The following SLC6A18 variants were observed in gnomAD, a reference collection of about 807,000 sequenced individuals.
The protein encoded by SLC6A18 is solute carrier family 6 member 18.
In SLC6A18, 58 loss-of-function variants were observed where a neutral mutation model predicts 62.9. The ratio of observed to expected loss-of-function variants is 0.92; its 90% confidence interval spans 0.75 to 1.15. The LOEUF is 1.15. Among genes scored for constraint, SLC6A18 ranks in the 50% most tolerant of loss-of-function variants. The pLI, the probability that SLC6A18 is intolerant of heterozygous loss-of-function variation, is 0.00. For synonymous variants in SLC6A18, 382 were observed against 365.8 expected, an observed-to-expected ratio of 1.04 and a Z score of -0.51; for missense variants, 793 against 836.6, an observed-to-expected ratio of 0.95 and a Z score of 0.64.
Position 1,244,470 on chromosome 5 carries a change from G to A in SLC6A18, c.1496+97G>A, listed in dbSNP as rs572350343. On this transcript the variant is annotated intron_variant, in intron 10 of 11. Coordinates refer to ENST00000324642, the MANE Select transcript of SLC6A18 (RefSeq NM_182632.3). ...GGTTCAACCCGCAGCTGCCCAGACC[G>A]CCGAGAATGTTCTGCCCTGGGGAGC... 1.5e-5 allele frequency: 24 copies of A among 1,560,784 alleles called. No homozygotes were observed. The East Asian group carries it at 3.1e-4, about 20-fold the overall frequency.
chr5:1,234,003 A>G (rs1456186254), intron 3 of SLC6A18, among the ~76,000 whole-genome samples: 1 of 152,114 alleles, frequency 6.6e-6, no homozygotes, highest in Non-Finnish European at 1.5e-5. Context: ...GGCCTCCCAA[A>G]GTGCTGGGAT....
chr5:1,242,173 G>A (rs112945645), intron 7 of SLC6A18, among the ~76,000 whole-genome samples: 5 of 152,306 alleles, frequency 3.3e-5, no homozygotes, highest in South Asian at 4.1e-4. Flanking sequence ...ACCCACCTTC[G>A]AAGTGAGGAA....
chr5:1,240,230 A>G (rs1479847301), intron 6 of SLC6A18, among the ~76,000 whole-genome samples: 1 of 152,256 alleles, frequency 6.6e-6, no homozygotes, highest in Non-Finnish European at 1.5e-5. Context: ...AAACATGTAC[A>G]TTTCAGATCC....
intron 2 of SLC6A18, 58 bp downstream of exon 2, chr5:1,232,417 A>T: frequency 7.1e-5 from 103 of 1,451,250 alleles, no homozygotes; most frequent in East Asian, 1.0e-4. Flanking sequence ...GCCCTCCTGG[A>T]TGAGAGGTGG....
In SLC6A18 at chr5:1,243,646, G is replaced by C. The variant is rs925776606; in HGVS notation, c.1223G>C (p.Gly408Ala). 1 of 1,614,096 alleles carries C rather than the reference G, an allele frequency of 6.2e-7. No individual in the cohort carries two copies. Among genetic ancestry groups the C allele is most frequent in the Middle Eastern group, 1.6e-4 (1 of 6,062 alleles). The change falls in exon 9 of 12, where the codon GGG (glycine) becomes GCG (alanine). Residue 408 changes from glycine (G) to alanine (A), a missense_variant. Physicochemically the swap from Gly to Ala is moderately conservative, Grantham distance 60. Coordinates refer to ENST00000324642, the MANE Select transcript of SLC6A18 (RefSeq NM_182632.3). The surrounding 1 kb of genome is among the most constrained non-coding windows in gnomAD (Gnocchi z 6.5). Reference sequence around the variant, plus strand: ...CCTGTGTGGGCCATGCTCTTCTTCGGGATGCTGTTCACCTTGGGGCTATCG... The same window carrying C: ...CCTGTGTGGGCCATGCTCTTCTTCGCGATGCTGTTCACCTTGGGGCTATCG... ...GAPVWAMLFF[G>A]MLFTLGLSTM...
chr5:1,242,702 CG>C lies in SLC6A18; in HGVS notation c.975-4del. ...ATGAGCCCACAGTCCTCTCTGTCCCCGCAGAAACATCCTCAGCCTCATCAAC... is the reference window on the plus strand; with the variant it reads ...ATGAGCCCACAGTCCTCTCTGTCCCCCAGAAACATCCTCAGCCTCATCAAC... On this transcript the variant is annotated splice_region_variant and splice_polypyrimidine_tract_variant and intron_variant, in intron 7 of 11. Coordinates refer to ENST00000324642, the MANE Select transcript of SLC6A18 (RefSeq NM_182632.3). The C allele has an allele frequency of 6.3e-7, 1 of 1,599,466 alleles. No individual in the cohort carries two copies. Among genetic ancestry groups the C allele is most frequent in the Non-Finnish European group, 8.5e-7 (1 of 1,170,406 alleles).
intron 4 of SLC6A18, among the ~76,000 whole-genome samples, 158 bp from the exon 5 acceptor site, chr5:1,237,792 C>T (rs1350929913): frequency 6.6e-6 from 1 of 152,182 alleles, no homozygotes; most frequent in Non-Finnish European, 1.5e-5. Flanking sequence ...TGCACCCCAC[C>T]ATCCCCCAAG....
At chr5:1,237,081 A>T (rs914994320) in intron 4 of SLC6A18, among the ~76,000 whole-genome samples, 9 of 151,582 alleles carry the variant, frequency 5.9e-5, no homozygotes, top group Non-Finnish European at 8.8e-5. Flanking sequence ...TAAAAATAAA[A>T]AAAAAAAAAA....
chr5:1,240,562 G>T lies in SLC6A18; in HGVS notation c.877G>T (p.Ala293Ser). 1 of 1,614,104 alleles carries T rather than the reference G, an allele frequency of 6.2e-7. No homozygotes were observed. Among genetic ancestry groups the T allele is most frequent in the Non-Finnish European group, 8.5e-7 (1 of 1,180,014 alleles). Reference protein sequence around the residue: ...NDCQKDAVVIALVNRMTSLYA... With the variant: ...NDCQKDAVVISLVNRMTSLYA... ...CTGCCAGAAGGATGCGGTGGTCATCGCCCTGGTCAACAGGATGACCTCCCT... is the reference window on the plus strand; with the variant it reads ...CTGCCAGAAGGATGCGGTGGTCATCTCCCTGGTCAACAGGATGACCTCCCT... Residue 293 changes from alanine (A) to serine (S), a missense_variant, in exon 7 of 12, where the codon GCC becomes TCC. Coordinates refer to ENST00000324642, the MANE Select transcript of SLC6A18 (RefSeq NM_182632.3).
rs76437235 is a variant in SLC6A18, at chr5:1,244,257, G to C, written c.1380G>C (p.Thr460=). Residue 460 remains threonine (T), a synonymous_variant, in exon 10 of 12, where the codon ACG becomes ACC. Transcript: ENST00000324642. ...GCTTCCTCTCCGCCACCTGCTTCAC[G>C]CTGCAGTCTGGGAACTACTGGCTGG... ...LVCFLSATCF[T]LQSGNYWLEI... The C allele has an allele frequency of 4.9e-5, 77 of 1,582,544 alleles. No homozygotes were observed. In the South Asian group the frequency reaches 8.2e-4, roughly 17 times the overall value.
intron 1 of SLC6A18, among the ~76,000 whole-genome samples, chr5:1,229,324 A>C (rs1746662814): frequency 1.3e-5 from 2 of 151,722 alleles, no homozygotes; most frequent in Admixed American, 1.3e-4. Flanking sequence ...CTCAATTCAC[A>C]GAAAACCCTC....
chr5:1,233,787 G>T (rs1436734957), intron 3 of SLC6A18, among the ~76,000 whole-genome samples: 2 of 149,490 alleles, frequency 1.3e-5, no homozygotes, highest in Non-Finnish European at 3.0e-5. Context: ...TGTCGCCCAG[G>T]CTGGAGTGCA....
Position 1,232,762 on chromosome 5 carries a change from GT to G in SLC6A18, c.314del (p.Val105AlafsTer6), listed in dbSNP as rs1234824397. On this transcript the variant is annotated frameshift_variant, in exon 3 of 12. Coordinates refer to ENST00000324642, the MANE Select transcript of SLC6A18 (RefSeq NM_182632.3). LOFTEE classifies it high-confidence loss of function. Reference sequence around the variant, plus strand: ...GTCCCTGTCCACAGGGCTGGGCTGTGTCACGCTGTCCTTCCTGATCAGCCTG... The same window carrying G: ...GTCCCTGTCCACAGGGCTGGGCTGTGCACGCTGTCCTTCCTGATCAGCCTG... ...PYLSGVGLGC[V>X]TLSFLISLYY... 5.0e-6 allele frequency: 8 copies of G among 1,612,994 alleles called. No homozygotes were observed. The highest frequency in any genetic ancestry group is 6.8e-6 in the Non-Finnish European group (8 of 1,179,782).
intron 10 of SLC6A18, 79 bp downstream of exon 10, chr5:1,244,452 C>T (rs1325297097): frequency 1.3e-6 from 2 of 1,579,492 alleles, no homozygotes; most frequent in African/African-American, 2.7e-5. Flanking sequence ...ACAGGTTCAA[C>T]CCGCAGCTGC....
intron 4 of SLC6A18, among the ~76,000 whole-genome samples, chr5:1,237,533 A>G (rs1746915897): frequency 6.6e-6 from 1 of 152,050 alleles, no homozygotes; most frequent in African/African-American, 2.4e-5. Context: ...CGGAGAGGGG[A>G]CCAAAGCAGG....
rs1747156638 is a variant in SLC6A18, at chr5:1,244,368, G to GA, written c.1494dup (p.Arg499ThrfsTer5). On this transcript the variant is annotated frameshift_variant, in exon 10 of 12. Transcript: ENST00000324642. LOFTEE classifies it high-confidence loss of function. ...TGGGTGTCGTTTATGTTTATGGAAT[G>GA]AAACGGTGAGCTGCCGCCCCGCCGA... 6.2e-7 allele frequency: 1 copy of GA among 1,613,586 alleles called. No homozygotes were observed.
chr5:1,246,184 C>T lies in SLC6A18; in HGVS notation c.*106C>T. The T allele has an allele frequency of 7.2e-7, 1 of 1,379,440 alleles. No individual in the cohort carries two copies. 85.5% of individuals were successfully genotyped at this position (1,379,440 alleles called of 1,614,324 possible). ...CGACCCCAATACACCAGCGACTCAACCTTGATGCCGCTGTGTACGTGTGGT... is the reference window on the plus strand; with the variant it reads ...CGACCCCAATACACCAGCGACTCAATCTTGATGCCGCTGTGTACGTGTGGT... On this transcript the variant is annotated 3_prime_UTR_variant, in exon 12 of 12. Coordinates refer to ENST00000324642, the MANE Select transcript of SLC6A18 (RefSeq NM_182632.3).
intron 4 of SLC6A18, among the ~76,000 whole-genome samples, chr5:1,236,161 C>G (rs1746879217): frequency 6.6e-6 from 1 of 151,870 alleles, no homozygotes; most frequent in Non-Finnish European, 1.5e-5. Context: ...CTCTCTTTCT[C>G]TAGGTATTTT....
intron 7 of SLC6A18, 97 bp from the exon 8 acceptor site, chr5:1,242,610 T>G: frequency 2.0e-6 from 3 of 1,487,748 alleles, no homozygotes; most frequent in Non-Finnish European, 9.0e-7. Context: ...GGCCCAGCCC[T>G]CCCAGGGATG....
Sources: allele counts gnomAD v4.1 joint callset (sites outside exome capture counted in the v4.1 genomes callset), GRCh38; gene constraint gnomAD v4.1.1; non-coding constraint Gnocchi (gnomAD v3.1); transcripts MANE v1.5; gene names NCBI Gene and HGNC (gene_info 2026-07-23, HGNC 2026-07-21).